The following GALNT17 variants were observed in gnomAD, a reference collection of about 807,000 sequenced individuals.
The protein encoded by GALNT17 is polypeptide N-acetylgalactosaminyltransferase 17.
A neutral mutation model predicts 63.7 loss-of-function variants in GALNT17; 29 were observed. That is an observed-to-expected ratio of 0.46 (90% confidence interval 0.34 to 0.62). GALNT17 has a LOEUF of 0.62. Ranked by LOEUF, GALNT17 falls within the 20% of genes least tolerant of loss-of-function variation. GALNT17 has a pLI of 0.01. For synonymous variants in GALNT17, 305 were observed against 318.3 expected (o/e 0.96, Z 0.45); for missense variants, 603 against 799.6 (o/e 0.75, Z 2.97).
chr7:71,445,282 G>A (rs200359900), intron 5 of GALNT17, among the ~76,000 whole-genome samples: 1 of 150,490 alleles, frequency 6.6e-6, no homozygotes, highest in African/African-American at 2.4e-5. Flanking sequence ...AGGTTCAAGC[G>A]ATTCTCCTGC....
chr7:71,560,209 A>G (rs60969923), intron 5 of GALNT17, among the ~76,000 whole-genome samples: 1 of 151,322 alleles, frequency 6.6e-6, no homozygotes, highest in African/African-American at 2.4e-5. Flanking sequence ...AAAAAAAAAA[A>G]AAAAAAAGAA....
At chr7:71,284,589 T>G (rs1236147741) in intron 1 of GALNT17, 1 of 152,066 alleles carries the variant, frequency 6.6e-6, no homozygotes, top group African/African-American at 2.4e-5. Context: ...TGCTTTTCCC[T>G]CCGCCATGAT....
chr7:71,280,626 C>G (rs1487207696), intron 1 of GALNT17, among the ~76,000 whole-genome samples: 2 of 152,180 alleles, frequency 1.3e-5, no homozygotes, highest in Non-Finnish European at 2.9e-5. Context: ...TTAGATAAGG[C>G]CACACTCAGG....
intron 1 of GALNT17, among the ~76,000 whole-genome samples, chr7:71,287,580 G>A (rs1391936801): frequency 6.6e-6 from 1 of 152,104 alleles, no homozygotes; most frequent in Admixed American, 6.6e-5. Flanking sequence ...TGACCTTATA[G>A]TCAGACTGCG....
intron 2 of GALNT17, among the ~76,000 whole-genome samples, chr7:71,357,411 TC>T (rs1792307625): frequency 1.3e-5 from 2 of 152,000 alleles, no homozygotes; most frequent in Non-Finnish European, 2.9e-5. Context: ...CTGAAACCAT[TC>T]CCCATCCCCC....
At chr7:71,586,627 C>G (rs1335069138) in intron 6 of GALNT17, among the ~76,000 whole-genome samples, 1 of 151,484 alleles carries the variant, frequency 6.6e-6, no homozygotes, top group African/African-American at 2.4e-5. Context: ...ACTGTTCCAC[C>G]TCTTTTGCAG....
intron 1 of GALNT17, among the ~76,000 whole-genome samples, chr7:71,328,152 C>CT (rs1791736341): frequency 6.6e-6 from 1 of 152,202 alleles, no homozygotes; most frequent in Admixed American, 6.5e-5. Flanking sequence ...TCCTTCCTCT[C>CT]TTTATCTTCG....
chr7:71,438,455 A>G (rs1337706476), intron 5 of GALNT17, among the ~76,000 whole-genome samples: 1 of 152,174 alleles, frequency 6.6e-6, no homozygotes, highest in Non-Finnish European at 1.5e-5. Flanking sequence ...TCCTTTGGCA[A>G]CACCTTGGCA....
chr7:71,640,204 T>C (rs1036402546), intron 6 of GALNT17, among the ~76,000 whole-genome samples: 3 of 152,210 alleles, frequency 2.0e-5, no homozygotes, highest in Admixed American at 1.3e-4. Context: ...GATCAAGATA[T>C]CCACGCAGAC....
At chr7:71,505,589 G>C (rs1411249768) in intron 5 of GALNT17, among the ~76,000 whole-genome samples, 1 of 151,928 alleles carries the variant, frequency 6.6e-6, no homozygotes, top group African/African-American at 2.4e-5. Flanking sequence ...GACAGCGTGA[G>C]ATTCTGTCTC....
chr7:71,337,505 G>T (rs896904592), intron 2 of GALNT17, among the ~76,000 whole-genome samples: 1 of 152,146 alleles, frequency 6.6e-6, no homozygotes, highest in Non-Finnish European at 1.5e-5. Context: ...GTACTAGCAT[G>T]TAAAAAATGC....
At chr7:71,143,134 G>A (rs1369672783) in intron 1 of GALNT17, among the ~76,000 whole-genome samples, 2 of 150,942 alleles carry the variant, frequency 1.3e-5, no homozygotes, top group East Asian at 4.0e-4. Context: ...AGAAATGGAT[G>A]CTCTTGGCCG....
intron 1 of GALNT17, among the ~76,000 whole-genome samples, chr7:71,137,264 C>G (rs909172310): frequency 6.6e-6 from 1 of 151,962 alleles, no homozygotes; most frequent in Non-Finnish European, 1.5e-5. Flanking sequence ...CTCAGCCTCC[C>G]GAGTAGCTGG....
chr7:71,328,937 C>A (rs2116050832), intron 1 of GALNT17, among the ~76,000 whole-genome samples: 1 of 152,260 alleles, frequency 6.6e-6, no homozygotes, highest in African/African-American at 2.4e-5. Flanking sequence ...AATTCTCCTT[C>A]TGGCCCCTCT....
chr7:71,146,658 C>T (rs569202137), intron 1 of GALNT17, among the ~76,000 whole-genome samples: 2 of 152,274 alleles, frequency 1.3e-5, no homozygotes, highest in African/African-American at 2.4e-5. Context: ...GCAGGACTCA[C>T]AGGGGCTGAA....
chr7:71,545,857 C>T (rs757129663), intron 5 of GALNT17, among the ~76,000 whole-genome samples: 38 of 152,136 alleles, frequency 2.5e-4, no homozygotes, highest in Admixed American at 3.9e-4. Flanking sequence ...TGGATTTCTC[C>T]GGTAAGTTTT....
intron 1 of GALNT17, among the ~76,000 whole-genome samples, chr7:71,277,271 A>G (rs1264026944): frequency 6.6e-6 from 1 of 152,194 alleles, no homozygotes; most frequent in South Asian, 2.1e-4. Context: ...CTCACTTACA[A>G]GTGGGAGCTG....
chr7:71,321,528 G>C (rs1450959515), intron 1 of GALNT17, among the ~76,000 whole-genome samples: 1 of 152,176 alleles, frequency 6.6e-6, no homozygotes, highest in Non-Finnish European at 1.5e-5. Context: ...CTGGTGGCCT[G>C]AAATACAGAG....
At chr7:71,576,531 G>GTGTT (rs921151581) in intron 6 of GALNT17, among the ~76,000 whole-genome samples, 2 of 140,570 alleles carry the variant, frequency 1.4e-5, no homozygotes, top group Admixed American at 1.4e-4. Flanking sequence ...TTTTAACTTT[G>GTGTT]TGTGTGTGTG....
Sources: allele counts gnomAD v4.1 joint callset (sites outside exome capture counted in the v4.1 genomes callset), GRCh38; gene constraint gnomAD v4.1.1; transcripts MANE v1.5; gene names NCBI Gene and HGNC (gene_info 2026-07-23, HGNC 2026-07-21).